Variants in DLG2 observed in about 807,000 individuals in gnomAD.
DLG2 encodes the protein discs large MAGUK scaffold protein 2, also known as disks large homolog 2.
DLG2 carries 45 observed loss-of-function variants against 132.5 expected under a neutral mutation model. The observed-to-expected ratio is 0.34, with a 90% CI of 0.27 to 0.44. The LOEUF (loss-of-function observed/expected upper bound fraction) is 0.44, where lower values mean the gene tolerates loss of function less well. Ranked by LOEUF, DLG2 falls within the 20% of genes least tolerant of loss-of-function variation. The pLI, the probability that DLG2 is intolerant of heterozygous loss-of-function variation, is 1.00. For missense variants in DLG2, 1,045 were observed against 1,196.9 expected (o/e 0.87, Z 1.87); for synonymous variants, 424 against 419.6 (o/e 1.01, Z -0.13).
chr11:85,036,991 G>A (rs1456153782), intron 6 of DLG2, among the ~76,000 whole-genome samples: 1 of 152,168 alleles, frequency 6.6e-6, no homozygotes, highest in African/African-American at 2.4e-5. Context: ...AGATTAGTCT[G>A]TGGAATGTGA....
intron 6 of DLG2, among the ~76,000 whole-genome samples, chr11:84,916,001 T>C (rs1463091252): frequency 6.6e-6 from 1 of 152,084 alleles, no homozygotes; most frequent in African/African-American, 2.4e-5. Context: ...ATCATGAACG[T>C]ATACATATGA....
chr11:83,924,157 G>A (rs1218149204), intron 15 of DLG2, among the ~76,000 whole-genome samples: 2 of 152,116 alleles, frequency 1.3e-5, no homozygotes, highest in Non-Finnish European at 2.9e-5. Context: ...AACAAGGGCA[G>A]AGTTAGGTAA....
intron 11 of DLG2, among the ~76,000 whole-genome samples, chr11:84,029,358 C>G (rs2095628403): frequency 6.6e-6 from 1 of 151,952 alleles, no homozygotes; most frequent in African/African-American, 2.4e-5. Flanking sequence ...GCTCACCATA[C>G]AGAAGCAAAG....
In DLG2 at chr11:84,364,723, G is replaced by A. The variant is rs539412903; in HGVS notation, c.520-113432C>T. On this transcript the variant is annotated intron_variant, in intron 7 of 27. Transcript: ENST00000376104. ...TTATTGAGAGTTTTTAGCATGAAGC[G>A]TTGTTGAATTTTGTCAAAGGCCTTT... 2.3e-4 allele frequency among the ~76,000 whole-genome samples: 35 copies of A among 152,162 alleles called. No individual in the cohort carries two copies. The South Asian group carries it at 5.2e-3, about 23-fold the overall frequency.
intron 6 of DLG2, among the ~76,000 whole-genome samples, chr11:85,003,878 C>G (rs141357487): frequency 6.6e-6 from 1 of 152,226 alleles, no homozygotes; most frequent in African/African-American, 2.4e-5. Flanking sequence ...CTCTAGGACT[C>G]ACCCCTGACA....
At chr11:83,969,483 C>T (rs1244159783) in intron 12 of DLG2, among the ~76,000 whole-genome samples, 1 of 152,220 alleles carries the variant, frequency 6.6e-6, no homozygotes, top group African/African-American at 2.4e-5. Context: ...TCTCACTGAT[C>T]TCACTGTCTC....
At chr11:84,474,107 T>A (rs1697220389) in intron 7 of DLG2, among the ~76,000 whole-genome samples, 1 of 152,052 alleles carries the variant, frequency 6.6e-6, no homozygotes, top group African/African-American at 2.4e-5. Context: ...TTTGTTTCTC[T>A]CAACATCACC....
At chr11:84,118,045 C>T (rs111416856) in intron 9 of DLG2, among the ~76,000 whole-genome samples, 4,385 of 151,876 alleles carry the variant, frequency 0.029, 208 homozygotes, top group African/African-American at 0.095. Context: ...TTAGTAGAGA[C>T]GGGGTTTCAC....
At chr11:83,755,938 T>C (rs1264300135) in intron 18 of DLG2, among the ~76,000 whole-genome samples, 2 of 151,464 alleles carry the variant, frequency 1.3e-5, no homozygotes, top group African/African-American at 4.9e-5. Flanking sequence ...CCTTATGAGT[T>C]ACACTCAAAT....
At chr11:84,998,406 A>T (rs1301923420) in intron 6 of DLG2, among the ~76,000 whole-genome samples, 2 of 152,254 alleles carry the variant, frequency 1.3e-5, no homozygotes, top group Middle Eastern at 3.4e-3. Context: ...TTCCACCATG[A>T]TTCTAAGTTT....
At chr11:83,774,406 G>C (rs557183742) in intron 18 of DLG2, among the ~76,000 whole-genome samples, 1 of 152,104 alleles carries the variant, frequency 6.6e-6, no homozygotes, top group Admixed American at 6.5e-5. Flanking sequence ...GTACGCCTTC[G>C]TTTAATCCCC....
chr11:83,854,581 C>T (rs1419100533), intron 16 of DLG2, among the ~76,000 whole-genome samples: 2 of 151,990 alleles, frequency 1.3e-5, no homozygotes, highest in Non-Finnish European at 2.9e-5. Context: ...ACATTATACC[C>T]TGAACAAAAA....
At chr11:84,533,368 C>T (rs2099347410) in intron 7 of DLG2, among the ~76,000 whole-genome samples, 1 of 152,148 alleles carries the variant, frequency 6.6e-6, no homozygotes, top group Non-Finnish European at 1.5e-5. Flanking sequence ...TACTCATTTC[C>T]ACCAGTCATC....
At chr11:83,984,366 C>A (rs1272768801) in intron 11 of DLG2, among the ~76,000 whole-genome samples, 5 of 152,042 alleles carry the variant, frequency 3.3e-5, no homozygotes, top group African/African-American at 1.2e-4. Flanking sequence ...TCTGAATGTA[C>A]ACAACTAGTA....
intron 7 of DLG2, among the ~76,000 whole-genome samples, chr11:84,315,657 G>T (rs758932747): frequency 3.3e-5 from 5 of 152,040 alleles, no homozygotes; most frequent in Admixed American, 6.6e-5. Flanking sequence ...ATAATAAAAT[G>T]GTAATGTATT....
chr11:84,002,605 G>A (rs1320303282), intron 11 of DLG2, among the ~76,000 whole-genome samples: 3 of 152,082 alleles, frequency 2.0e-5, no homozygotes, highest in African/African-American at 4.8e-5. Flanking sequence ...TGAGCTCTAC[G>A]TTGGCCCCTT....
chr11:83,990,285 T>C (rs140899995), intron 11 of DLG2, among the ~76,000 whole-genome samples: 2 of 152,234 alleles, frequency 1.3e-5, no homozygotes, highest in East Asian at 3.9e-4. Flanking sequence ...AATTTCAGGA[T>C]TACATCAATT....
intron 7 of DLG2, among the ~76,000 whole-genome samples, chr11:84,457,973 T>C (rs1162731185): frequency 6.6e-6 from 1 of 150,848 alleles, no homozygotes; most frequent in East Asian, 1.9e-4. Flanking sequence ...ACATACAACA[T>C]AAAAATAAAA....
At chr11:84,251,002 G>A (rs1009747483) in intron 8 of DLG2, among the ~76,000 whole-genome samples, 11 of 152,062 alleles carry the variant, frequency 7.2e-5, no homozygotes, top group South Asian at 2.1e-4. Context: ...TTTAAACAGC[G>A]TTGTTTATTT....
Sources: gnomAD v4.1 joint callset for allele counts (sites outside exome capture counted in the v4.1 genomes callset) on GRCh38, gnomAD v4.1.1 for gene constraint, MANE v1.5 for transcripts, NCBI Gene and HGNC (gene_info 2026-07-23, HGNC 2026-07-21) for gene names.